SMOC1: variants seen among roughly 807,000 people sequenced by gnomAD.
SMOC1 encodes SPARC-related modular calcium-binding protein 1.
SMOC1 carries 22 observed loss-of-function variants against 56.3 expected under a neutral mutation model. The ratio of observed to expected loss-of-function variants is 0.39; its 90% CI spans 0.28 to 0.56. The LOEUF (loss-of-function observed/expected upper bound fraction) is 0.56. Among genes scored for constraint, SMOC1 ranks in the 20% least tolerant of loss-of-function variants. The pLI, the probability that SMOC1 is intolerant of heterozygous loss-of-function variation, is 0.61. For synonymous variants in SMOC1, 193 were observed against 215.0 expected (o/e 0.90, Z 0.89); for missense variants, 509 against 565.4 (o/e 0.90, Z 1.01).
chr14:69,919,273 C>T (rs544026458), intron 1 of SMOC1, among the ~76,000 whole-genome samples: 1 of 152,110 alleles, frequency 6.6e-6, no homozygotes, highest in Non-Finnish European at 1.5e-5. Flanking sequence ...CAGGTATTCC[C>T]CCATGGAGAT....
At position 69,913,820 on chromosome 14, in the gene SMOC1, T is replaced by C. The variant is rs373919546; in HGVS notation, c.99+34043T>C. On this transcript the variant is annotated intron_variant, in intron 1 of 11. Coordinates refer to ENST00000361956, the MANE Select transcript of SMOC1 (RefSeq NM_001034852.3). The stretch of plus-strand genomic sequence containing the variant: ...CCTGAGAAAAACCCTGGCTAGAGTT[T>C]TAAGAGTCCTAGGAATGACATGAGG... Among the ~76,000 whole-genome samples the C allele has an allele frequency of 9.2e-5, 14 of 152,338 alleles. 2 individuals are homozygous for C. The highest frequency in any genetic ancestry group is 3.9e-4 in the Admixed American group (6 of 15,300).
At chr14:69,938,477 A>G (rs1882410756) in intron 1 of SMOC1, among the ~76,000 whole-genome samples, 1 of 135,314 alleles carries the variant, frequency 7.4e-6, no homozygotes, top group African/African-American at 2.9e-5. Context: ...GCAGCTCTGC[A>G]GCAGGATGAG....
intron 1 of SMOC1, among the ~76,000 whole-genome samples, chr14:69,924,901 G>A (rs1455113004): frequency 3.7e-5 from 1 of 27,208 alleles, no homozygotes; most frequent in African/African-American, 1.5e-4. Context: ...GGAGAGGTAG[G>A]GGAGGAGGAG....
intron 6 of SMOC1, 87 bp downstream of exon 6, chr14:69,992,560 TTTA>T: frequency 9.9e-7 from 1 of 1,011,294 alleles, no homozygotes; most frequent in South Asian, 1.4e-5. Flanking sequence ...TTGTTTAAGT[TTTA>T]TTATTATTAT....
At chr14:69,932,184 G>T (rs746316609) in intron 1 of SMOC1, among the ~76,000 whole-genome samples, 1 of 152,242 alleles carries the variant, frequency 6.6e-6, no homozygotes, top group Non-Finnish European at 1.5e-5. Flanking sequence ...CGCAAAACAC[G>T]AGTCCACCAG....
At chr14:69,880,278 C>T (rs1351911799) in intron 1 of SMOC1, among the ~76,000 whole-genome samples, 2 of 152,084 alleles carry the variant, frequency 1.3e-5, no homozygotes, top group Non-Finnish European at 2.9e-5. Flanking sequence ...GATCACTGCT[C>T]GTAAAACCCA....
intron 1 of SMOC1, among the ~76,000 whole-genome samples, chr14:69,882,557 T>C (rs916395396): frequency 6.6e-6 from 1 of 152,218 alleles, no homozygotes; most frequent in Non-Finnish European, 1.5e-5. Context: ...GAGTGGTTGC[T>C]TGGCTAGCTG....
At chr14:69,942,315 A>G (rs1882595342) in intron 1 of SMOC1, among the ~76,000 whole-genome samples, 1 of 152,126 alleles carries the variant, frequency 6.6e-6, no homozygotes, top group African/African-American at 2.4e-5. Context: ...AGAAATCGCC[A>G]GAAACTTCTC....
At chr14:69,941,004 C>A (rs1242554535) in intron 1 of SMOC1, among the ~76,000 whole-genome samples, 3 of 152,138 alleles carry the variant, frequency 2.0e-5, no homozygotes, top group Admixed American at 6.5e-5. Context: ...AGGTTTGATG[C>A]CCTGTCGGTG....
chr14:69,978,469 C>A (rs1884053533), intron 5 of SMOC1, among the ~76,000 whole-genome samples: 1 of 152,154 alleles, frequency 6.6e-6, no homozygotes, highest in African/African-American at 2.4e-5. Context: ...AGTTGCTATC[C>A]TGAAATTCTG....
chr14:69,949,825 C>T (rs569820028), intron 1 of SMOC1, among the ~76,000 whole-genome samples: 6 of 152,198 alleles, frequency 3.9e-5, no homozygotes, highest in East Asian at 3.9e-4. Context: ...GCCGGGGAGA[C>T]GATGTAAGGG....
intron 1 of SMOC1, among the ~76,000 whole-genome samples, chr14:69,917,990 C>T (rs1884731567): frequency 6.6e-6 from 1 of 152,108 alleles, no homozygotes; most frequent in Non-Finnish European, 1.5e-5. Flanking sequence ...CCCAGCTCTC[C>T]ATCCCTGGCC....
At chr14:69,934,153 A>C (rs1287928507) in intron 1 of SMOC1, among the ~76,000 whole-genome samples, 5 of 152,142 alleles carry the variant, frequency 3.3e-5, no homozygotes, top group African/African-American at 9.7e-5. Flanking sequence ...TCTCACTGAA[A>C]GTCCATGTTT....
At chr14:70,029,571 T>G (rs1886061413) in intron 11 of SMOC1, among the ~76,000 whole-genome samples, 1 of 152,136 alleles carries the variant, frequency 6.6e-6, no homozygotes. Context: ...AGTCTGCTCT[T>G]TATTCTGAGG....
Position 69,922,570 on chromosome 14 carries a change from A to T in SMOC1, c.100-29568A>T, listed in dbSNP as rs111780195. On this transcript the variant is annotated intron_variant, in intron 1 of 11. Transcript: ENST00000361956. Reference sequence around the variant, plus strand: ...GCCACTGGCCAGCATCGTTGGCATCACTTAGAAATGCAGCCTCCAGCATCC... The same window carrying T: ...GCCACTGGCCAGCATCGTTGGCATCTCTTAGAAATGCAGCCTCCAGCATCC... 6.8e-3 allele frequency among the ~76,000 whole-genome samples: 1,039 copies of T among 152,322 alleles called. 9 individuals are homozygous for T. The highest frequency in any genetic ancestry group is 0.024 in the African/African-American group (983 of 41,568).
At chr14:69,943,349 G>A (rs911837771) in intron 1 of SMOC1, among the ~76,000 whole-genome samples, 3 of 152,302 alleles carry the variant, frequency 2.0e-5, no homozygotes, top group Non-Finnish European at 2.9e-5. Flanking sequence ...CCAGCAGGTC[G>A]AGGCCCTTCT....
At chr14:69,895,544 C>G (rs1321995145) in intron 1 of SMOC1, among the ~76,000 whole-genome samples, 1 of 152,150 alleles carries the variant, frequency 6.6e-6, no homozygotes, top group Non-Finnish European at 1.5e-5. Flanking sequence ...GAAGTAGAAA[C>G]CCTTTGTTTT....
At chr14:70,026,503 GA>G in intron 11 of SMOC1, among the ~76,000 whole-genome samples, 1 of 152,338 alleles carries the variant, frequency 6.6e-6, no homozygotes, top group South Asian at 2.1e-4. Flanking sequence ...AACTGAAGTA[GA>G]ATGTAGATTT....
chr14:70,013,027 C>T (rs752820674), intron 9 of SMOC1, among the ~76,000 whole-genome samples: 7 of 152,134 alleles, frequency 4.6e-5, no homozygotes, highest in East Asian at 1.9e-4. Context: ...CACTTTAGGA[C>T]GACTGCTTGG....
Sources: gnomAD v4.1 joint callset for allele counts (sites outside exome capture counted in the v4.1 genomes callset) on GRCh38, gnomAD v4.1.1 for gene constraint, MANE v1.5 for transcripts, NCBI Gene and HGNC (gene_info 2026-07-23, HGNC 2026-07-21) for gene names.